The following RILPL1 variants were observed in gnomAD, a reference collection of about 807,000 sequenced individuals.
RILPL1 encodes Rab interacting lysosomal protein like 1.
RILPL1 carries 33 observed loss-of-function variants against 50.3 expected under a neutral mutation model. That is an observed-to-expected ratio of 0.66 (90% CI 0.50 to 0.88). The LOEUF is 0.88. Among genes scored for constraint, RILPL1 ranks in the 40% least tolerant of loss-of-function variants. The pLI is 0.00. For missense variants in RILPL1, 418 were observed against 542.5 expected (o/e 0.77, Z 2.28); for synonymous variants, 205 against 228.6 (o/e 0.90, Z 0.93).
rs902314063 is a variant in RILPL1 at position 123,491,190 on chromosome 12, C to T, written c.802-5385G>A. 6.6e-6 allele frequency among the ~76,000 whole-genome samples: 1 copy of T among 152,212 alleles called. No individual in the cohort carries two copies. The highest frequency in any genetic ancestry group is 6.5e-5 in the Admixed American group (1 of 15,278). On this transcript the variant is annotated intron_variant, in intron 4 of 6. Transcript: ENST00000376874. The surrounding 1 kb of genome is among the most constrained non-coding windows in gnomAD (Gnocchi z 4.0). The stretch of plus-strand genomic sequence containing the variant: ...TTCAGACTGGGAGGGACCAAGGAGG[C>T]TCTTTCCAAGATGGCAATCGAGCTC...
intron 4 of RILPL1, among the ~76,000 whole-genome samples, chr12:123,496,616 TTCTA>T (rs1244288897): frequency 2.0e-5 from 3 of 152,216 alleles, no homozygotes; most frequent in Non-Finnish European, 2.9e-5. Context: ...TTGTCCACAT[TTCTA>T]TCTGTCAAAG....
chr12:123,479,312 C>T (rs572802788), intron 6 of RILPL1, among the ~76,000 whole-genome samples: 1 of 152,204 alleles, frequency 6.6e-6, no homozygotes, highest in South Asian at 2.1e-4. Flanking sequence ...CTGAACACTC[C>T]TTGGCGACTG....
At position 123,493,332 on chromosome 12, in the gene RILPL1, C is replaced by T. The variant is rs550513677; in HGVS notation, c.801+5212G>A. 6.6e-5 allele frequency among the ~76,000 whole-genome samples: 10 copies of T among 152,214 alleles called. No homozygotes were observed. In the South Asian group the frequency reaches 1.7e-3, roughly 25 times the overall value. On this transcript the variant is annotated intron_variant, in intron 4 of 6. Transcript: ENST00000376874. ...TTTGTTCACGTGTTTGTCTGCTGACCCTCTCCCCACTATTGTCTTGTGACC... is the reference window on the plus strand; with the variant it reads ...TTTGTTCACGTGTTTGTCTGCTGACTCTCTCCCCACTATTGTCTTGTGACC...
At chr12:123,514,790 GAATTA>G (rs1884596977) in intron 2 of RILPL1, among the ~76,000 whole-genome samples, 1 of 151,990 alleles carries the variant, frequency 6.6e-6, no homozygotes. Context: ...ATATGCTACT[GAATTA>G]AATGATATAC....
intron 6 of RILPL1, among the ~76,000 whole-genome samples, chr12:123,480,678 A>T (rs763490019): frequency 3.2e-4 from 49 of 151,732 alleles, no homozygotes; most frequent in Non-Finnish European, 4.6e-4. Flanking sequence ...AGTGAGTTGG[A>T]GTTTAAGCAA....
intron 2 of RILPL1, among the ~76,000 whole-genome samples, chr12:123,500,565 G>A (rs1445857482): frequency 5.3e-5 from 8 of 152,068 alleles, no homozygotes; most frequent in Non-Finnish European, 1.2e-4. Flanking sequence ...GATTACAGGC[G>A]TGAGCCACCG....
At position 123,485,063 on chromosome 12, in the gene RILPL1, C is replaced by G. The variant is rs1474616312; in HGVS notation, c.974+570G>C. On this transcript the variant is annotated intron_variant, in intron 5 of 6. Coordinates refer to ENST00000376874, the MANE Select transcript of RILPL1 (RefSeq NM_178314.5). This position sits in a 1 kb window ranked among gnomAD's most constrained non-coding sequence, Gnocchi z 4.0. ...CTTATCTTCCCCACTGGAGCAGGGA[C>G]CACCTCTGGTGCATGGGTCCTTCCT... The G allele has an allele frequency of 2.3e-6, 1 of 439,984 alleles. No individual in the cohort carries two copies. Among genetic ancestry groups the G allele is most frequent in the Non-Finnish European group, 4.6e-6 (1 of 215,482 alleles). The allele number at this position is 439,984 out of a possible 1,614,324, so 27.3% of individuals were successfully genotyped here. A position where few individuals can be genotyped will look rare whatever the true frequency, so the allele number is the denominator to read the frequency against.
Position 123,533,105 on chromosome 12 carries a change from C to G in RILPL1, c.309+69G>C. 7.1e-7 allele frequency: 1 copy of G among 1,418,384 alleles called. No individual in the cohort carries two copies. Among genetic ancestry groups the G allele is most frequent in the Non-Finnish European group, 9.4e-7 (1 of 1,062,780 alleles). 87.9% of individuals were successfully genotyped at this position (1,418,384 alleles called of 1,614,324 possible). On this transcript the variant is annotated intron_variant, in intron 1 of 6. Transcript: ENST00000376874. The surrounding 1 kb of genome is among the most constrained non-coding windows in gnomAD (Gnocchi z 6.2). ...ACACACGTGCGCACCCACAGCTGCC[C>G]AATGCGGAAGAGCCCTTGGGTCCCC...
intron 6 of RILPL1, among the ~76,000 whole-genome samples, chr12:123,478,474 C>A (rs186801848): frequency 4.6e-5 from 7 of 152,052 alleles, no homozygotes; most frequent in African/African-American, 1.7e-4. Context: ...CTCCCCGCTC[C>A]CCGCCAAATA....
At chr12:123,531,118 A>AG (rs1187539469) in intron 1 of RILPL1, among the ~76,000 whole-genome samples, 2 of 130,516 alleles carry the variant, frequency 1.5e-5, no homozygotes, top group African/African-American at 3.8e-5. Context: ...TCTGCAGGAA[A>AG]AAAAAAAAAA....
At chr12:123,517,474 G>GC (rs1171936928) in intron 2 of RILPL1, among the ~76,000 whole-genome samples, 3 of 149,130 alleles carry the variant, frequency 2.0e-5, no homozygotes, top group Non-Finnish European at 4.4e-5. Flanking sequence ...AGGCTGGAGC[G>GC]CAGCGGTGGC....
chr12:123,514,068 T>TCC (rs1007750386), intron 2 of RILPL1: 1 of 151,488 alleles, frequency 6.6e-6, no homozygotes, highest in Non-Finnish European at 1.5e-5. Flanking sequence ...CACCCAAATG[T>TCC]CCCCCCGCTA....
At chr12:123,479,750 T>C (rs767170146) in intron 6 of RILPL1, among the ~76,000 whole-genome samples, 8 of 152,156 alleles carry the variant, frequency 5.3e-5, no homozygotes, top group Non-Finnish European at 1.2e-4. Context: ...GGTCTCGCTC[T>C]CTCGTCTTTC....
intron 2 of RILPL1, among the ~76,000 whole-genome samples, chr12:123,502,928 C>G (rs958061668): frequency 2.0e-5 from 3 of 152,050 alleles, no homozygotes; most frequent in Non-Finnish European, 2.9e-5. Context: ...CACTGTGTCA[C>G]CCAGGCTGGA....
chr12:123,475,857 A>G (rs1593528283), intron 6 of RILPL1: 1 of 678,928 alleles, frequency 1.5e-6, no homozygotes, highest in South Asian at 1.6e-5. Flanking sequence ...GGTCTAAGTT[A>G]GCGGTTGAAT....
chr12:123,518,306 C>G, intron 2 of RILPL1: 1 of 412,076 alleles, frequency 2.4e-6, no homozygotes, highest in Non-Finnish European at 4.8e-6. Flanking sequence ...GAGTTTCAGA[C>G]CAGCCTGGGC....
chr12:123,527,686 G>A (rs1370223034), intron 1 of RILPL1, among the ~76,000 whole-genome samples: 1 of 152,096 alleles, frequency 6.6e-6, no homozygotes, highest in East Asian at 1.9e-4. Context: ...TGTGAGATGG[G>A]GAGATGATTC....
Position 123,485,565 on chromosome 12 carries a change from C to T in RILPL1, c.974+68G>A. On this transcript the variant is annotated intron_variant, in intron 5 of 6. Coordinates refer to ENST00000376874, the MANE Select transcript of RILPL1 (RefSeq NM_178314.5). This position sits in a 1 kb window ranked among gnomAD's most constrained non-coding sequence, Gnocchi z 4.0. ...TGTCTTCCAGGGGGTAAGAAGGTAA[C>T]TGTACAGAAACTCTGGCTAACCTCA... 6.9e-7 allele frequency: 1 copy of T among 1,449,532 alleles called. No individual in the cohort carries two copies. Among genetic ancestry groups the T allele is most frequent in the Non-Finnish European group, 9.5e-7 (1 of 1,053,990 alleles). The allele number at this position is 1,449,532 out of a possible 1,614,324, so 89.8% of individuals were successfully genotyped here.
chr12:123,512,098 T>G (rs1358929983), intron 2 of RILPL1, among the ~76,000 whole-genome samples: 1 of 129,504 alleles, frequency 7.7e-6, no homozygotes, highest in Non-Finnish European at 1.6e-5. Context: ...GTGTGTGAGG[T>G]CTGTGTGTGG....
Sources: gnomAD v4.1 joint callset for allele counts (sites outside exome capture counted in the v4.1 genomes callset) on GRCh38, gnomAD v4.1.1 for gene constraint, Gnocchi (gnomAD v3.1) non-coding constraint, MANE v1.5 for transcripts, NCBI Gene and HGNC (gene_info 2026-07-23, HGNC 2026-07-21) for gene names.